The following CLPB variants were observed in gnomAD, a reference collection of about 807,000 sequenced individuals.
The protein encoded by CLPB is mitochondrial disaggregase.
A neutral mutation model predicts 78.4 loss-of-function variants in CLPB; 40 were observed. The ratio of observed to expected loss-of-function variants is 0.51; its 90% confidence interval spans 0.40 to 0.66. The LOEUF is 0.66. CLPB is among the 30% of genes least tolerant of loss of function. The pLI, the probability that CLPB is intolerant of heterozygous loss-of-function variation, is 0.00. For missense variants in CLPB, 780 were observed against 886.9 expected (o/e 0.88, Z 1.53); for synonymous variants, 333 against 348.0 (o/e 0.96, Z 0.48).
At chr11:72,425,769 A>G (rs75053061) in intron 2 of CLPB, among the ~76,000 whole-genome samples, 15,324 of 152,132 alleles carry the variant, frequency 0.1, 1,343 homozygotes, top group African/African-American at 0.24. Flanking sequence ...TCCTTGCCTT[A>G]TGCTACCACA....
intron 13 of CLPB, 36 bp from the exon 14 acceptor site, chr11:72,294,480 G>T: frequency 6.2e-7 from 1 of 1,613,432 alleles, no homozygotes; most frequent in South Asian, 1.1e-5. Flanking sequence ...TGAGCTCAGT[G>T]ACCCAGAGCG....
At chr11:72,337,589 A>C (rs1288010479) in intron 5 of CLPB, among the ~76,000 whole-genome samples, 1 of 152,228 alleles carries the variant, frequency 6.6e-6, no homozygotes, top group Non-Finnish European at 1.5e-5. Context: ...GTCATACAGC[A>C]GATAAATAGT....
intron 5 of CLPB, among the ~76,000 whole-genome samples, chr11:72,344,829 A>T (rs1950482711): frequency 6.6e-6 from 1 of 152,366 alleles, no homozygotes; most frequent in Admixed American, 6.5e-5. Context: ...TTTAAAAATC[A>T]AGAGAAAAAC....
intron 3 of CLPB, among the ~76,000 whole-genome samples, chr11:72,392,316 G>T (rs1401648865): frequency 6.6e-6 from 1 of 152,110 alleles, no homozygotes; most frequent in Non-Finnish European, 1.5e-5. Context: ...GAAGTGAAAA[G>T]GTCACAGTTC....
At position 72,289,753 on chromosome 11, in the gene CLPB, A is replaced by G. The variant is rs1201720373; in HGVS notation, c.*3614T>C. The G allele has an allele frequency of 6.6e-6, 1 of 151,798 alleles. No homozygotes were observed. Among genetic ancestry groups the G allele is most frequent in the East Asian group, 1.9e-4 (1 of 5,170 alleles). 9.4% of individuals were successfully genotyped at this position (151,798 alleles called of 1,614,324 possible). ...GCCTGGCTAATTTTTTATTTTTTAA[A>G]CGTTTGGAGGATGAGGTCTTGCTAT... On this transcript the variant is annotated 3_prime_UTR_variant, in exon 16 of 16. Transcript: ENST00000538039.
At chr11:72,388,126 C>T (rs182458364) in intron 3 of CLPB, among the ~76,000 whole-genome samples, 1 of 152,196 alleles carries the variant, frequency 6.6e-6, no homozygotes, top group East Asian at 1.9e-4. Context: ...TGACTAGGAT[C>T]GACCCTGGGG....
At chr11:72,354,598 C>T (rs1294232058) in intron 5 of CLPB, 2 of 353,368 alleles carry the variant, frequency 5.7e-6, no homozygotes, top group Non-Finnish European at 1.0e-5. Flanking sequence ...TCTTCCCCAC[C>T]TTCCTCCCTC....
intron 4 of CLPB, among the ~76,000 whole-genome samples, chr11:72,376,498 C>A (rs1854703894): frequency 1.3e-5 from 2 of 149,154 alleles, no homozygotes; most frequent in Non-Finnish European, 3.0e-5. Flanking sequence ...CAAACTGATA[C>A]ACCCAGGAAA....
chr11:72,357,101 C>T (rs1188852966), intron 5 of CLPB: 1 of 152,250 alleles, frequency 6.6e-6, no homozygotes, highest in Admixed American at 6.5e-5. Context: ...AGTAGTCCTG[C>T]CCTTCAGTGG....
intron 1 of CLPB, among the ~76,000 whole-genome samples, chr11:72,433,347 C>T (rs1856602121): frequency 6.6e-6 from 1 of 152,060 alleles, no homozygotes; most frequent in African/African-American, 2.4e-5. Context: ...ATCAGGAGGT[C>T]AAGAGATCGA....
At chr11:72,296,974 C>T (rs1487117695) in intron 11 of CLPB, among the ~76,000 whole-genome samples, 1 of 152,208 alleles carries the variant, frequency 6.6e-6, no homozygotes, top group African/African-American at 2.4e-5. Flanking sequence ...TTCCTCTGCA[C>T]CAGGCTACAG....
chr11:72,375,566 G>A (rs540804768), intron 4 of CLPB, among the ~76,000 whole-genome samples: 88 of 152,282 alleles, frequency 5.8e-4, no homozygotes, highest in Non-Finnish European at 1.2e-3. Flanking sequence ...CTTACCCTGT[G>A]ACACTTCCCA....
At chr11:72,326,557 G>A (rs1012208188) in intron 6 of CLPB, among the ~76,000 whole-genome samples, 2 of 152,174 alleles carry the variant, frequency 1.3e-5, no homozygotes, top group Admixed American at 6.5e-5. Flanking sequence ...AGAGTGGTAG[G>A]TGGAGGTGGA....
At chr11:72,424,251 A>G (rs1856297494) in intron 2 of CLPB, among the ~76,000 whole-genome samples, 1 of 152,200 alleles carries the variant, frequency 6.6e-6, no homozygotes, top group Non-Finnish European at 1.5e-5. Context: ...GAGAGACCTG[A>G]GTATAGGCGC....
At chr11:72,366,025 A>G (rs1267761515) in intron 4 of CLPB, among the ~76,000 whole-genome samples, 1 of 152,226 alleles carries the variant, frequency 6.6e-6, no homozygotes, top group Non-Finnish European at 1.5e-5. Context: ...AGGTCCTCAA[A>G]AGCAACTATG....
At chr11:72,360,726 C>T (rs961652436) in intron 4 of CLPB, among the ~76,000 whole-genome samples, 14 of 152,154 alleles carry the variant, frequency 9.2e-5, no homozygotes, top group Non-Finnish European at 1.3e-4. Context: ...CGTGAGCCAC[C>T]GCGCCCAGCC....
At chr11:72,384,881 C>T (rs990882862) in intron 3 of CLPB, among the ~76,000 whole-genome samples, 6 of 152,084 alleles carry the variant, frequency 3.9e-5, no homozygotes, top group Non-Finnish European at 1.5e-5. Flanking sequence ...AACATCACAG[C>T]ACCTAGATAT....
chr11:72,384,134 C>T (rs549179748), intron 3 of CLPB, among the ~76,000 whole-genome samples: 38 of 152,230 alleles, frequency 2.5e-4, no homozygotes, highest in Non-Finnish European at 4.1e-4. Flanking sequence ...GCCTGGGTGA[C>T]AGAATGAGAC....
At chr11:72,359,047 ACAGCATGAGCCAC>A in intron 4 of CLPB, 39 bp from the exon 5 acceptor site, 2 of 1,610,780 alleles carry the variant, frequency 1.2e-6, no homozygotes, top group Non-Finnish European at 8.5e-7. Flanking sequence ...ATTAGCAACG[ACAGCATGAGCCAC>A]CAATCTCACC....
Sources: allele counts gnomAD v4.1 joint callset (sites outside exome capture counted in the v4.1 genomes callset), GRCh38; gene constraint gnomAD v4.1.1; transcripts MANE v1.5; gene names NCBI Gene and HGNC (gene_info 2026-07-23, HGNC 2026-07-21).